RAPGEF1: variants seen among roughly 807,000 people sequenced by gnomAD.
The protein encoded by RAPGEF1 is Rap guanine nucleotide exchange factor 1.
In RAPGEF1, 33 loss-of-function variants were observed where a neutral mutation model predicts 143.3. That is an observed-to-expected ratio of 0.23 (90% CI 0.17 to 0.31). RAPGEF1 has a LOEUF of 0.31. Among genes scored for constraint, RAPGEF1 ranks in the 10% least tolerant of loss-of-function variants. The probability of loss-of-function intolerance (pLI) is 1.00; values close to 1 mark genes in which losing one functional copy is unlikely to be tolerated. For synonymous variants in RAPGEF1, 629 were observed against 676.5 expected, an observed-to-expected ratio of 0.93 and a Z score of 1.09; for missense variants, 1,199 against 1,645.4, an observed-to-expected ratio of 0.73 and a Z score of 4.69.
Position 131,628,773 on chromosome 9 carries a change from T to C in RAPGEF1, c.894-101A>G. On this transcript the variant is annotated intron_variant, in intron 7 of 26. Coordinates refer to ENST00000683357, the MANE Select transcript of RAPGEF1 (RefSeq NM_001377935.1). This position sits in a 1 kb window ranked among gnomAD's most constrained non-coding sequence, Gnocchi z 5.7. ...ATGTGGGGTTCTTTCATTACTAGAC[T>C]CTCCACACCCAATGTTCACACTTCA... The C allele has an allele frequency of 7.0e-7, 1 of 1,426,150 alleles. No individual in the cohort carries two copies. The highest frequency in any genetic ancestry group is 9.4e-7 in the Non-Finnish European group (1 of 1,060,428). 88.3% of individuals were successfully genotyped at this position (1,426,150 alleles called of 1,614,324 possible). A position where few individuals can be genotyped will look rare whatever the true frequency, so the allele number is the denominator to read the frequency against.
intron 15 of RAPGEF1, among the ~76,000 whole-genome samples, chr9:131,601,120 C>T (rs1030984728): frequency 1.6e-4 from 23 of 143,992 alleles, no homozygotes; most frequent in Admixed American, 1.4e-3. Context: ...TGCAGTGAGC[C>T]GAGATCGCGC....
At position 131,688,791 on chromosome 9, in the gene RAPGEF1, G is replaced by A. The variant is rs931773017; in HGVS notation, c.62-37842C>T. ...GGGTGTGGTGTAATCCCAGCTACTCGGAAGGCTGAGGCAGGAGAATCACTC... is the reference window on the plus strand; with the variant it reads ...GGGTGTGGTGTAATCCCAGCTACTCAGAAGGCTGAGGCAGGAGAATCACTC... On this transcript the variant is annotated intron_variant, in intron 1 of 26. Transcript: ENST00000683357. Among the ~76,000 whole-genome samples, 8 of 152,144 alleles carry A rather than the reference G, an allele frequency of 5.3e-5. No homozygotes were observed. In the South Asian group the frequency reaches 8.3e-4, roughly 16 times the overall value.
chr9:131,619,276 G>T, intron 11 of RAPGEF1, 70 bp from the exon 12 acceptor site: 1 of 1,221,746 alleles, frequency 8.2e-7, no homozygotes, highest in Non-Finnish European at 1.1e-6. Flanking sequence ...TCAGGTCCGT[G>T]CAGGGAAAGG....
chr9:131,642,726 T>C (rs989386404), intron 4 of RAPGEF1, among the ~76,000 whole-genome samples: 3 of 152,156 alleles, frequency 2.0e-5, no homozygotes, highest in Non-Finnish European at 2.9e-5. Flanking sequence ...CCCCAAGGTC[T>C]AAGGTACTAA....
intron 17 of RAPGEF1, among the ~76,000 whole-genome samples, chr9:131,595,695 C>CAACCCT (rs60742026): frequency 6.6e-6 from 1 of 151,764 alleles, no homozygotes; most frequent in African/African-American, 2.4e-5. Flanking sequence ...CTGGGAATGA[C>CAACCCT]TTTGCTAGCA....
intron 1 of RAPGEF1, among the ~76,000 whole-genome samples, chr9:131,668,839 C>T (rs13297385): frequency 0.22 from 33,251 of 152,184 alleles, 4,311 homozygotes; most frequent in Non-Finnish European, 0.29. Flanking sequence ...GGCCAGGGTA[C>T]ATCTCATCAT....
intron 5 of RAPGEF1, 57 bp downstream of exon 5, chr9:131,638,578 C>G: frequency 1.3e-5 from 21 of 1,590,522 alleles, no homozygotes; most frequent in Non-Finnish European, 1.6e-5. Flanking sequence ...TGACAAGCAC[C>G]AGCAGGCAGG....
intron 1 of RAPGEF1, among the ~76,000 whole-genome samples, chr9:131,679,695 G>A (rs1036530943): frequency 1.3e-5 from 2 of 152,226 alleles, no homozygotes; most frequent in Admixed American, 6.5e-5. Flanking sequence ...ACTACGCAGC[G>A]GGGACTCCGC....
intron 1 of RAPGEF1, among the ~76,000 whole-genome samples, chr9:131,672,782 T>A (rs776654784): frequency 1.3e-5 from 2 of 152,168 alleles, no homozygotes; most frequent in Non-Finnish European, 2.9e-5. Context: ...AATCTGTAAA[T>A]GCTGAACCTG....
chr9:131,637,552 A>G (rs1966700445), intron 5 of RAPGEF1, among the ~76,000 whole-genome samples: 1 of 152,082 alleles, frequency 6.6e-6, no homozygotes, highest in African/African-American at 2.4e-5. Flanking sequence ...AGTGGGAAGG[A>G]ATTTTTTTTG....
In RAPGEF1 at chr9:131,628,412, G is replaced by T; in HGVS notation, c.1017+137C>A. The T allele has an allele frequency of 6.5e-6, 8 of 1,224,854 alleles. No homozygotes were observed. Among genetic ancestry groups the T allele is most frequent in the Non-Finnish European group, 7.9e-6 (7 of 889,914 alleles). The allele number at this position is 1,224,854 out of a possible 1,614,324, so 75.9% of individuals were successfully genotyped here. On this transcript the variant is annotated intron_variant, in intron 8 of 26. Coordinates refer to ENST00000683357, the MANE Select transcript of RAPGEF1 (RefSeq NM_001377935.1). The surrounding 1 kb of genome is among the most constrained non-coding windows in gnomAD (Gnocchi z 5.7). The stretch of plus-strand genomic sequence containing the variant: ...CCGTGTCCTGGAGAGAGAGGGATGG[G>T]TACAAGGTCTCGCACTCCTCGATGT...
rs1041771986 is a variant in RAPGEF1, at chr9:131,650,901, T to C, written c.110A>G (p.Lys37Arg). The C allele has an allele frequency of 6.2e-7, 1 of 1,613,980 alleles. No homozygotes were observed. Among genetic ancestry groups the C allele is most frequent in the Non-Finnish European group, 8.5e-7 (1 of 1,179,854 alleles). The stretch of plus-strand genomic sequence containing the variant: ...TCTCTTGATTTTGGGTGAGTGGAAT[T>C]TGTCCATCAGCTTCATGGTGAAGGA... ...LSSFTMKLMD[K>R]FHSPKIKRTP... is the part of the protein sequence containing the mutation. Residue 37 changes from lysine (K) to arginine (R), a missense_variant, in exon 2 of 27, where the codon AAA becomes AGA. Physicochemically the swap from Lys to Arg is conservative, Grantham distance 26. This residue lies in a region of RAPGEF1 where 613 missense variants were observed against 710.9 expected (regional missense o/e 0.86). Coordinates refer to ENST00000683357, the MANE Select transcript of RAPGEF1 (RefSeq NM_001377935.1). The surrounding 1 kb of genome is among the most constrained non-coding windows in gnomAD (Gnocchi z 4.7).
In RAPGEF1 at chr9:131,626,164, T is replaced by C. The variant is rs1962967160; in HGVS notation, c.1460A>G (p.Asp487Gly). 1.2e-6 allele frequency: 2 copies of C among 1,613,026 alleles called. No individual in the cohort carries two copies. The highest frequency in any genetic ancestry group is 1.7e-5 in the Admixed American group (1 of 59,884). Residue 487 changes from aspartate (D) to glycine (G), a missense_variant, in exon 10 of 27, where the codon GAC becomes GGC. By Grantham distance (94) the Asp-to-Gly change is moderately conservative (BLOSUM62 -1). Transcript: ENST00000683357. ...GTAGGACACCCTGCAGCCAGAGCCG[T>C]CCGCCGTCTGGGAGGCTGCGCTCCT... ...KRRSAASQTA[D>G]GSGCRVSYER... is the part of the protein sequence containing the mutation.
intron 1 of RAPGEF1, among the ~76,000 whole-genome samples, chr9:131,712,771 TGA>T (rs147087694): frequency 0.018 from 2,742 of 152,326 alleles, 78 homozygotes; most frequent in African/African-American, 0.062. Context: ...CATTTTTCCT[TGA>T]GAGAACAGCT....
intron 1 of RAPGEF1, among the ~76,000 whole-genome samples, chr9:131,726,216 A>G (rs1034504802): frequency 5.3e-5 from 8 of 152,210 alleles, no homozygotes; most frequent in African/African-American, 1.9e-4. Flanking sequence ...ACCAGTGATA[A>G]AAAGGACAAC....
intron 1 of RAPGEF1, among the ~76,000 whole-genome samples, chr9:131,686,816 T>C (rs1833386236): frequency 6.6e-6 from 1 of 152,204 alleles, no homozygotes; most frequent in African/African-American, 2.4e-5. Flanking sequence ...GCTGATGAAG[T>C]AAGAAACCGG....
intron 19 of RAPGEF1, among the ~76,000 whole-genome samples, 197 bp downstream of exon 19, chr9:131,589,689 T>C (rs1953858222): frequency 6.6e-6 from 1 of 151,988 alleles, no homozygotes; most frequent in Admixed American, 6.5e-5. Context: ...CATGAGGAAA[T>C]CCAGGGCCTG....
At chr9:131,656,866 T>C (rs1972609783) in intron 1 of RAPGEF1, among the ~76,000 whole-genome samples, 1 of 152,212 alleles carries the variant, frequency 6.6e-6, no homozygotes, top group African/African-American at 2.4e-5. Context: ...TGGGAAAACA[T>C]GTCAGCACCT....
intron 1 of RAPGEF1, among the ~76,000 whole-genome samples, chr9:131,733,364 G>GC (rs1837206981): frequency 1.4e-5 from 1 of 69,832 alleles, no homozygotes; most frequent in African/African-American, 4.4e-5. Context: ...CGGGGCGGGG[G>GC]CGGGGGGGGG....
Sources: gnomAD v4.1 joint callset for allele counts (sites outside exome capture counted in the v4.1 genomes callset) on GRCh38, gnomAD v4.1.1 for gene constraint, gnomAD v4.1.1 regional missense constraint, Gnocchi (gnomAD v3.1) non-coding constraint, MANE v1.5 for transcripts, NCBI Gene and HGNC (gene_info 2026-07-23, HGNC 2026-07-21) for gene names.